Variants in PAQR3 observed in about 807,000 individuals in gnomAD.
PAQR3 encodes Raf kinase trapping to Golgi.
A neutral mutation model predicts 41.7 loss-of-function variants in PAQR3; 39 were observed. The observed-to-expected ratio is 0.93, with a 90% confidence interval of 0.72 to 1.22. The LOEUF (loss-of-function observed/expected upper bound fraction) is 1.22, where lower values mean the gene tolerates loss of function less well. Ranked by LOEUF, PAQR3 falls within the 50% of genes most tolerant of loss-of-function variation. PAQR3 has a pLI of 0.00. For missense variants in PAQR3, 366 were observed against 385.6 expected (o/e 0.95, Z 0.42); for synonymous variants, 140 against 140.6 (o/e 1.00, Z 0.03).
At position 78,939,367 on chromosome 4, in the gene PAQR3, G is replaced by GC; in HGVS notation, c.-144dup. On this transcript the variant is annotated 5_prime_UTR_variant, in exon 1 of 6. Coordinates refer to ENST00000512733, the MANE Select transcript of PAQR3 (RefSeq NM_001040202.2). ...TACCGCGCTGCCGCTGCTGCCCAGG[G>GC]CCCGGCTCTGCGCTCACACCGGCCA... The GC allele has an allele frequency of 1.6e-6, 1 of 623,030 alleles. No individual in the cohort carries two copies. The highest frequency in any genetic ancestry group is 2.3e-6 in the Non-Finnish European group (1 of 435,702). The allele number at this position is 623,030 out of a possible 1,614,324, so 38.6% of individuals were successfully genotyped here. A position where few individuals can be genotyped will look rare whatever the true frequency, so the allele number is the denominator to read the frequency against.
At chr4:78,932,350 T>C (rs904494689) in intron 2 of PAQR3, among the ~76,000 whole-genome samples, 1 of 152,152 alleles carries the variant, frequency 6.6e-6, no homozygotes. Flanking sequence ...TTAAGCACCA[T>C]AAATCAGGAG....
In PAQR3 at chr4:78,918,846, T is replaced by G; in HGVS notation, c.*1693A>C. 2.0e-6 allele frequency: 2 copies of G among 984,600 alleles called. No homozygotes were observed. Among genetic ancestry groups the G allele is most frequent in the Non-Finnish European group, 2.4e-6 (2 of 829,312 alleles). 61.0% of individuals were successfully genotyped at this position (984,600 alleles called of 1,614,324 possible). On this transcript the variant is annotated 3_prime_UTR_variant, in exon 6 of 6. Transcript: ENST00000512733. ...TATCTATTAAAAGGCAATAAAATCATGTAAGCCAATAAGGGATGTTCTAGG... is the reference window on the plus strand; with the variant it reads ...TATCTATTAAAAGGCAATAAAATCAGGTAAGCCAATAAGGGATGTTCTAGG...
In PAQR3 at chr4:78,918,566, G is replaced by A. The variant is rs1008863860; in HGVS notation, c.*1973C>T. 3.1e-6 allele frequency: 3 copies of A among 974,970 alleles called. No individual in the cohort carries two copies. The African/African-American group carries it at 5.3e-5, about 17-fold the overall frequency. 60.4% of individuals were successfully genotyped at this position (974,970 alleles called of 1,614,324 possible). On this transcript the variant is annotated 3_prime_UTR_variant, in exon 6 of 6. Coordinates refer to ENST00000512733, the MANE Select transcript of PAQR3 (RefSeq NM_001040202.2). ...CATGGAATAATTTTCCCTACAGAAA[G>A]ACCTGTACACCCTTTAAATTCAAAG...
chr4:78,922,582 A>C (rs1230393843), intron 5 of PAQR3, among the ~76,000 whole-genome samples: 2 of 151,918 alleles, frequency 1.3e-5, no homozygotes, highest in African/African-American at 4.8e-5. Context: ...TTTGTCTCTT[A>C]CTAAACCACA....
chr4:78,923,892 A>C lies in PAQR3; in HGVS notation c.758T>G (p.Phe253Cys). ...CCGCTCTGGGACTTTGGAAATGTAG[A>C]ATAGGAAAGCAAGAAGAGCAATCAT... ...MYMIALLAFLFYISKVPERYF... is the reference protein window; with the variant it reads ...MYMIALLAFLCYISKVPERYF... Residue 253 changes from phenylalanine to cysteine, a missense_variant, in exon 5 of 6, where the codon TTC becomes TGC. Transcript: ENST00000512733. The C allele has an allele frequency of 6.2e-7, 1 of 1,613,352 alleles. No individual in the cohort carries two copies.
intron 11 of PAQR3, among the ~76,000 whole-genome samples, chr4:78,900,995 A>C (rs896352045): frequency 6.6e-6 from 1 of 152,154 alleles, no homozygotes; most frequent in Admixed American, 6.5e-5. Context: ...CTGAGTTAAA[A>C]ATCTTAGTTC....
At position 78,920,503 on chromosome 4, in the gene PAQR3, CT is replaced by C; in HGVS notation, c.*35del. 6.3e-7 allele frequency: 1 copy of C among 1,591,412 alleles called. No individual in the cohort carries two copies. The highest frequency in any genetic ancestry group is 8.6e-7 in the Non-Finnish European group (1 of 1,169,034). Reference sequence around the variant, plus strand: ...GTATACAATTCCCCATTATATATTGCTTAACAACTGAATTCACCAGGTGGCC... The same window carrying C: ...GTATACAATTCCCCATTATATATTGCTAACAACTGAATTCACCAGGTGGCC... On this transcript the variant is annotated 3_prime_UTR_variant, in exon 6 of 6. Transcript: ENST00000512733.
chr4:78,926,523 G>A lies in PAQR3; in HGVS notation c.700C>T (p.Gln234Ter). 1.2e-6 allele frequency: 2 copies of A among 1,608,552 alleles called. No individual in the cohort carries two copies. The highest frequency in any genetic ancestry group is 1.7e-6 in the Non-Finnish European group (2 of 1,175,238). The stretch of plus-strand genomic sequence containing the variant: ...AATATTAACTACACTCAACCTACCT[G>A]TACAATAGGAGCACCAATTCCTCCA... ...LNGGIGAPIV[Q>*]DFAPRVIVMY... Residue 234 changes from glutamine to a stop codon, truncating the protein, a stop_gained and splice_region_variant, in exon 4 of 6, where the codon CAG (glutamine) becomes TAG (stop). Transcript: ENST00000512733. LOFTEE classifies it high-confidence loss of function.
intron 4 of PAQR3, among the ~76,000 whole-genome samples, chr4:78,926,039 G>T (rs1736181042): frequency 6.6e-6 from 1 of 152,062 alleles, no homozygotes; most frequent in Admixed American, 6.6e-5. Flanking sequence ...CTCAAACTCT[G>T]GCTGAAATCC....
At chr4:78,909,345 T>G (rs1734456996), downstream of PAQR3, among the ~76,000 whole-genome samples, 1 of 133,254 alleles carries the variant, frequency 7.5e-6, no homozygotes, top group African/African-American at 2.8e-5. Context: ...CCCCTTAGTG[T>G]TTTTCTATAG....
chr4:78,912,143 C>T lies in PAQR3; in HGVS notation c.*8396G>A. The stretch of plus-strand genomic sequence containing the variant: ...CTTTATAGCATTCATTCTTAAAGAT[C>T]AGTCAGAATAGGTGATTTCTAAATA... On this transcript the variant is annotated 3_prime_UTR_variant, in exon 6 of 6. Transcript: ENST00000512733. The T allele has an allele frequency of 1.0e-6, 1 of 965,804 alleles. No homozygotes were observed. Among genetic ancestry groups the T allele is most frequent in the Admixed American group, 2.3e-5 (1 of 42,634 alleles). The allele number at this position is 965,804 out of a possible 1,614,324, so 59.8% of individuals were successfully genotyped here. A position where few individuals can be genotyped will look rare whatever the true frequency, so the allele number is the denominator to read the frequency against.
rs1423837165 is a variant in PAQR3 at position 78,913,791 on chromosome 4, G to C, written c.*6748C>G. ...CAAATATAGATTTGTGGATAGGGAA[G>C]CAATATGTGAATCACAATGTAGCAG... On this transcript the variant is annotated 3_prime_UTR_variant, in exon 6 of 6. Transcript: ENST00000512733. The C allele has an allele frequency of 6.6e-6, 1 of 152,036 alleles. No individual in the cohort carries two copies. Among genetic ancestry groups the C allele is most frequent in the African/African-American group, 2.4e-5 (1 of 41,420 alleles). 9.4% of individuals were successfully genotyped at this position (152,036 alleles called of 1,614,324 possible). A position where few individuals can be genotyped will look rare whatever the true frequency, so the allele number is the denominator to read the frequency against.
intron 1 of PAQR3, 122 bp downstream of exon 1, chr4:78,938,918 A>G: frequency 1.0e-6 from 1 of 963,936 alleles, no homozygotes; most frequent in South Asian, 1.7e-5. Flanking sequence ...AAGGGATGAA[A>G]AGGATGGGGC....
chr4:78,891,379 ATTGTG>A (rs1017887292), intron 11 of PAQR3, among the ~76,000 whole-genome samples: 1 of 151,970 alleles, frequency 6.6e-6, no homozygotes, highest in African/African-American at 2.4e-5. Context: ...CCTTTTATTC[ATTGTG>A]CTGGGGACCT....
chr4:78,898,513 G>A (rs1733828454), intron 11 of PAQR3, among the ~76,000 whole-genome samples: 2 of 151,002 alleles, frequency 1.3e-5, no homozygotes, highest in Non-Finnish European at 1.5e-5. Flanking sequence ...GAAATGGAAG[G>A]ACTTTAAAAC....
At chr4:78,889,734 G>A (rs1029005493) in intron 11 of PAQR3, among the ~76,000 whole-genome samples, 2 of 152,146 alleles carry the variant, frequency 1.3e-5, no homozygotes, top group Admixed American at 6.5e-5. Flanking sequence ...CTACTCCCAG[G>A]TGTATGTGTG....
chr4:78,920,553 C>T lies in PAQR3; in HGVS notation c.922G>A (p.Val308Ile), dbSNP rs904925736. The T allele has an allele frequency of 1.2e-6, 2 of 1,607,046 alleles. No homozygotes were observed. Among genetic ancestry groups the T allele is most frequent in the Non-Finnish European group, 1.7e-6 (2 of 1,176,598 alleles). Residue 308 changes from valine to isoleucine, a missense_variant, in exon 6 of 6, where the codon GTT (valine) becomes ATT (isoleucine). Transcript: ENST00000512733. ...CCATACCTAATTCACAAATGTGAAA[C>T]ATAGTCAGGACAAGGCTTGCTATGT... ...YRHSKPCPDY[V>I]SHL
In PAQR3 at chr4:78,917,001, T is replaced by A. The variant is rs1278881264; in HGVS notation, c.*3538A>T. ...AGTTATGTGAAAAAAAGGGGCTTTGTATCTTTTTAATGAAAATGAATGGTA... is the reference window on the plus strand; with the variant it reads ...AGTTATGTGAAAAAAAGGGGCTTTGAATCTTTTTAATGAAAATGAATGGTA... On this transcript the variant is annotated 3_prime_UTR_variant, in exon 6 of 6. Coordinates refer to ENST00000512733, the MANE Select transcript of PAQR3 (RefSeq NM_001040202.2). 6.6e-6 allele frequency: 1 copy of A among 151,932 alleles called. No homozygotes were observed. Among genetic ancestry groups the A allele is most frequent in the Admixed American group, 6.6e-5 (1 of 15,216 alleles). 9.4% of individuals were successfully genotyped at this position (151,932 alleles called of 1,614,324 possible). A position where few individuals can be genotyped will look rare whatever the true frequency, so the allele number is the denominator to read the frequency against.
intron 11 of PAQR3, among the ~76,000 whole-genome samples, chr4:78,901,179 G>T (rs1390025996): frequency 6.6e-6 from 1 of 152,034 alleles, no homozygotes; most frequent in Non-Finnish European, 1.5e-5. Flanking sequence ...AAGTAGCTGG[G>T]ACTATAGGTG....
Sources: gnomAD v4.1 joint callset for allele counts (sites outside exome capture counted in the v4.1 genomes callset) on GRCh38, gnomAD v4.1.1 for gene constraint, MANE v1.5 for transcripts, NCBI Gene and HGNC (gene_info 2026-07-23, HGNC 2026-07-21) for gene names.